The following RABGAP1L variants were observed in gnomAD, a reference collection of about 807,000 sequenced individuals.
The protein encoded by RABGAP1L is rab GTPase-activating protein 1-like.
In RABGAP1L, 63 loss-of-function variants were observed where a neutral mutation model predicts 137.7. The ratio of observed to expected loss-of-function variants is 0.46; its 90% CI spans 0.37 to 0.56. The LOEUF is 0.56. RABGAP1L is among the 20% of genes least tolerant of loss of function. The pLI is 0.00. For missense variants in RABGAP1L, 1,095 were observed against 1,244.0 expected, an observed-to-expected ratio of 0.88 and a Z score of 1.80; for synonymous variants, 431 against 433.7, an observed-to-expected ratio of 0.99 and a Z score of 0.08.
chr1:174,961,721 C>CT (rs1198313715), intron 20 of RABGAP1L, among the ~76,000 whole-genome samples: 1 of 151,830 alleles, frequency 6.6e-6, no homozygotes, highest in East Asian at 1.9e-4. Context: ...TGGCAAGCAC[C>CT]TGTAGTCCCA....
chr1:174,420,947 T>C (rs1374476890), intron 13 of RABGAP1L, among the ~76,000 whole-genome samples: 2 of 152,148 alleles, frequency 1.3e-5, no homozygotes, highest in Non-Finnish European at 2.9e-5. Flanking sequence ...AGTGCTGGGA[T>C]TACAGGTGTG....
intron 21 of RABGAP1L, among the ~76,000 whole-genome samples, chr1:174,973,660 C>T (rs1670360519): frequency 1.3e-5 from 2 of 152,126 alleles, no homozygotes; most frequent in Admixed American, 6.5e-5. Flanking sequence ...GCTGGGATTA[C>T]AGGCGTGAGC....
chr1:174,849,730 T>C, intron 19 of RABGAP1L: 3 of 462,860 alleles, frequency 6.5e-6, no homozygotes. Flanking sequence ...TTCGCATCTT[T>C]CTGTTCTAAA....
At chr1:174,755,797 T>C (rs754326565) in intron 18 of RABGAP1L, among the ~76,000 whole-genome samples, 17 of 152,306 alleles carry the variant, frequency 1.1e-4, no homozygotes, top group Non-Finnish European at 2.4e-4. Context: ...AGGATGCACA[T>C]AAATTTATTT....
At chr1:174,550,198 C>G (rs1290471331) in intron 13 of RABGAP1L, among the ~76,000 whole-genome samples, 1 of 152,090 alleles carries the variant, frequency 6.6e-6, no homozygotes, top group African/African-American at 2.4e-5. Context: ...ATTATGTTGT[C>G]TCTAGCAGAT....
chr1:174,277,140 T>C (rs1675068399), intron 9 of RABGAP1L, among the ~76,000 whole-genome samples: 1 of 152,122 alleles, frequency 6.6e-6, no homozygotes, highest in African/African-American at 2.4e-5. Context: ...AAAGAGAGTA[T>C]TCACCATTTA....
chr1:174,281,573 T>C (rs564346922), intron 10 of RABGAP1L, among the ~76,000 whole-genome samples: 1 of 151,738 alleles, frequency 6.6e-6, no homozygotes, highest in African/African-American at 2.4e-5. Context: ...CTAAGGGGAG[T>C]AGACATTAAT....
chr1:174,741,847 T>C, intron 17 of RABGAP1L, among the ~76,000 whole-genome samples: 1 of 115,884 alleles, frequency 8.6e-6, no homozygotes, highest in Non-Finnish European at 1.7e-5. Flanking sequence ...GGCAAAAGCC[T>C]ATTTCTACAA....
intron 13 of RABGAP1L, among the ~76,000 whole-genome samples, chr1:174,603,789 C>T (rs79277913): frequency 0.044 from 6,701 of 151,948 alleles, 506 homozygotes; most frequent in African/African-American, 0.15. Flanking sequence ...CTGGGTTCTC[C>T]CCTACAAGGC....
chr1:174,965,109 G>A lies in RABGAP1L; in HGVS notation c.2434-4168G>A, dbSNP rs1017128603. The A allele has an allele frequency of 6.0e-5, 39 of 654,480 alleles. 1 individual carries two copies. In the Admixed American group the frequency reaches 1.2e-3, roughly 19 times the overall value. 40.5% of individuals were successfully genotyped at this position (654,480 alleles called of 1,614,324 possible). A position where few individuals can be genotyped will look rare whatever the true frequency, so the allele number is the denominator to read the frequency against. On this transcript the variant is annotated intron_variant, in intron 20 of 25. Coordinates refer to ENST00000681986, the MANE Select transcript of RABGAP1L (RefSeq NM_001366446.1). Reference sequence around the variant, plus strand: ...CCAGCTGTACATCTCCTATCCATAAGGGGTGAAACTATGAGGACAGTTGTT... The same window carrying A: ...CCAGCTGTACATCTCCTATCCATAAAGGGTGAAACTATGAGGACAGTTGTT...
chr1:174,255,098 G>A (rs1673007778), intron 7 of RABGAP1L, among the ~76,000 whole-genome samples: 1 of 149,774 alleles, frequency 6.7e-6, no homozygotes, highest in Non-Finnish European at 1.5e-5. Context: ...GTGATGATGA[G>A]CTTTTTTTCA....
intron 13 of RABGAP1L, among the ~76,000 whole-genome samples, chr1:174,543,311 G>C (rs1665657199): frequency 6.6e-6 from 1 of 151,898 alleles, no homozygotes; most frequent in Non-Finnish European, 1.5e-5. Flanking sequence ...AGGATAGTTA[G>C]TTCTTCTTGT....
At chr1:174,985,019 T>C (rs1005962924) in intron 24 of RABGAP1L, among the ~76,000 whole-genome samples, 3 of 152,190 alleles carry the variant, frequency 2.0e-5, no homozygotes, top group Admixed American at 2.0e-4. Flanking sequence ...GAGGAAAATA[T>C]TGGCTAAGTA....
intron 12 of RABGAP1L, among the ~76,000 whole-genome samples, chr1:174,373,914 G>C (rs1198475727): frequency 2.6e-5 from 4 of 152,116 alleles, no homozygotes; most frequent in Non-Finnish European, 5.9e-5. Context: ...GACTACAAAA[G>C]GGTAAAAGCT....
intron 13 of RABGAP1L, among the ~76,000 whole-genome samples, chr1:174,613,778 T>C (rs952057188): frequency 6.6e-6 from 1 of 152,240 alleles, no homozygotes; most frequent in Non-Finnish European, 1.5e-5. Flanking sequence ...TAGTTAGCTC[T>C]TCCTGTTGAA....
rs1455811008 is a variant in RABGAP1L at position 174,305,034 on chromosome 1, G to A, written c.1372G>A (p.Val458Met). The A allele has an allele frequency of 1.3e-6, 2 of 1,564,614 alleles. No individual in the cohort carries two copies. Among genetic ancestry groups the A allele is most frequent in the Admixed American group, 2.0e-5 (1 of 51,202 alleles). ...TNAGDAIYEV[V>M]SLQRESDKEE... is the part of the protein sequence containing the mutation. ...TGCTGGAGATGCAATATATGAGGTG[G>A]TGAGTCTACAGCGAGAGTCTGACAA... Residue 458 changes from valine (V) to methionine (M), a missense_variant, in exon 11 of 26, where the codon GTG becomes ATG. Physicochemically the swap from Val to Met is conservative, Grantham distance 21. Around this residue, in one of 4 missense-constraint regions of RABGAP1L, gnomAD observed 315 missense variants for 324.8 expected, o/e 0.97. Coordinates refer to ENST00000681986, the MANE Select transcript of RABGAP1L (RefSeq NM_001366446.1).
chr1:174,252,797 A>G (rs1672819981), intron 7 of RABGAP1L, among the ~76,000 whole-genome samples: 1 of 152,186 alleles, frequency 6.6e-6, no homozygotes, highest in Admixed American at 6.5e-5. Flanking sequence ...AAATGGTTTT[A>G]GTTTTTCAGT....
At chr1:174,702,387 T>A in intron 17 of RABGAP1L, 131 bp downstream of exon 17, 1 of 696,630 alleles carries the variant, frequency 1.4e-6, no homozygotes. Flanking sequence ...AAAGCTGTAT[T>A]TGAATTTTCA....
Position 174,489,274 on chromosome 1 carries a change from A to C in RABGAP1L, c.1710+95129A>C, listed in dbSNP as rs1337123524. 1.8e-4 allele frequency among the ~76,000 whole-genome samples: 28 copies of C among 152,230 alleles called. No homozygotes were observed. The East Asian group carries it at 5.4e-3, about 29-fold the overall frequency. ...GAATGGGAGAAAATTTTTGCAATCT[A>C]CCCATCTGACAAAGGGCTAATATCC... On this transcript the variant is annotated intron_variant, in intron 13 of 25. Coordinates refer to ENST00000681986, the MANE Select transcript of RABGAP1L (RefSeq NM_001366446.1).
Sources: gnomAD v4.1 joint callset for allele counts (sites outside exome capture counted in the v4.1 genomes callset) on GRCh38, gnomAD v4.1.1 for gene constraint, gnomAD v4.1.1 regional missense constraint, MANE v1.5 for transcripts, NCBI Gene and HGNC (gene_info 2026-07-23, HGNC 2026-07-21) for gene names.